Variants in FRMD4A observed in about 807,000 individuals in gnomAD.
FRMD4A encodes FERM domain containing 4A.
A neutral mutation model predicts 129.1 loss-of-function variants in FRMD4A; 29 were observed. The ratio of observed to expected loss-of-function variants is 0.22; its 90% confidence interval spans 0.17 to 0.31. FRMD4A has a LOEUF of 0.31. Ranked by LOEUF, FRMD4A falls within the 10% of genes least tolerant of loss-of-function variation. FRMD4A has a pLI of 1.00. For synonymous variants in FRMD4A, 634 were observed against 571.6 expected (o/e 1.11, Z -1.56); for missense variants, 1,272 against 1,375.8 (o/e 0.92, Z 1.19).
intron 2 of FRMD4A, among the ~76,000 whole-genome samples, chr10:13,985,167 AT>A (rs1162356486): frequency 5.9e-5 from 9 of 152,206 alleles, no homozygotes; most frequent in Non-Finnish European, 7.3e-5. Flanking sequence ...TTGCCTTCGC[AT>A]TCCGGGCTGG....
chr10:14,264,735 AT>A (rs1564426657), intron 2 of FRMD4A, among the ~76,000 whole-genome samples: 1 of 152,190 alleles, frequency 6.6e-6, no homozygotes, highest in African/African-American at 2.4e-5. Context: ...GAAAGAACTA[AT>A]TTTTTAACAC....
chr10:13,678,180 C>T (rs1305001205), intron 15 of FRMD4A, among the ~76,000 whole-genome samples: 5 of 152,122 alleles, frequency 3.3e-5, no homozygotes, highest in African/African-American at 1.2e-4. Flanking sequence ...GATACCAAGC[C>T]CACAGAAAAC....
At chr10:13,999,478 C>G (rs1255860507) in intron 2 of FRMD4A, among the ~76,000 whole-genome samples, 2 of 152,218 alleles carry the variant, frequency 1.3e-5, no homozygotes, top group Non-Finnish European at 2.9e-5. Flanking sequence ...GATCAATATA[C>G]TTCTAACCCT....
intron 2 of FRMD4A, among the ~76,000 whole-genome samples, chr10:14,295,275 G>A (rs995150617): frequency 1.3e-5 from 2 of 152,172 alleles, no homozygotes; most frequent in Non-Finnish European, 2.9e-5. Flanking sequence ...GTTTTACTGG[G>A]AGGATTTACT....
intron 2 of FRMD4A, among the ~76,000 whole-genome samples, chr10:13,935,368 G>A (rs1478390402): frequency 1.3e-5 from 2 of 148,608 alleles, no homozygotes; most frequent in Non-Finnish European, 3.0e-5. Context: ...AATCTGGGAG[G>A]AGGAGGTTGC....
At chr10:14,168,249 C>T (rs955170124) in intron 2 of FRMD4A, among the ~76,000 whole-genome samples, 1 of 152,188 alleles carries the variant, frequency 6.6e-6, no homozygotes, top group Admixed American at 6.5e-5. Context: ...GGTTAATTCA[C>T]AGCTTGCTCA....
intron 2 of FRMD4A, among the ~76,000 whole-genome samples, chr10:14,054,386 C>T (rs1244516390): frequency 6.6e-6 from 1 of 152,164 alleles, no homozygotes. Flanking sequence ...TGCTTTTTCT[C>T]CCCTGCATGA....
chr10:14,054,918 T>C (rs779157110), intron 2 of FRMD4A, among the ~76,000 whole-genome samples: 1 of 152,214 alleles, frequency 6.6e-6, no homozygotes, highest in Non-Finnish European at 1.5e-5. Flanking sequence ...CCTTCCTCCA[T>C]GATTGTGAGG....
chr10:14,067,106 A>T (rs1835095816), intron 2 of FRMD4A, among the ~76,000 whole-genome samples: 1 of 152,046 alleles, frequency 6.6e-6, no homozygotes, highest in South Asian at 2.1e-4. Flanking sequence ...TCATGAGGTC[A>T]GGAATTCGAG....
rs150209717 is a variant in FRMD4A, at chr10:13,748,228, C to T, written c.465-409G>A. Among the ~76,000 whole-genome samples, 229 of 152,252 alleles carry T rather than the reference C, an allele frequency of 1.5e-3. 1 individual carries two copies. Among genetic ancestry groups the T allele is most frequent in the African/African-American group, 4.8e-3 (201 of 41,558 alleles). On this transcript the variant is annotated intron_variant, in intron 8 of 24. Transcript: ENST00000357447. ...CCCCGCCGTTAGGCTCACAGAGCTC[C>T]GAGAATGGGCAATGGCGCCACTGTC...
chr10:14,278,629 G>A (rs1372716334), intron 2 of FRMD4A, among the ~76,000 whole-genome samples: 2 of 152,188 alleles, frequency 1.3e-5, no homozygotes, highest in Admixed American at 6.5e-5. Context: ...AGCGGCACGT[G>A]TTAGGTGGTT....
At chr10:13,833,878 A>G (rs2093829680) in intron 3 of FRMD4A, among the ~76,000 whole-genome samples, 1 of 152,154 alleles carries the variant, frequency 6.6e-6, no homozygotes, top group South Asian at 2.1e-4. Context: ...ACCCAGAGGC[A>G]GGGTCTGGGC....
At chr10:13,700,006 A>T (rs2086645042) in intron 14 of FRMD4A, among the ~76,000 whole-genome samples, 1 of 152,212 alleles carries the variant, frequency 6.6e-6, no homozygotes, top group African/African-American at 2.4e-5. Flanking sequence ...GTAGAGGACA[A>T]GATATTTTAC....
At chr10:13,890,588 T>G (rs1287775120) in intron 2 of FRMD4A, 16 of 985,174 alleles carry the variant, frequency 1.6e-5, no homozygotes, top group Non-Finnish European at 1.9e-5. Context: ...GACTTAGAAA[T>G]GTGCCTGTCT....
intron 2 of FRMD4A, among the ~76,000 whole-genome samples, chr10:13,885,390 G>A (rs948612290): frequency 1.3e-5 from 2 of 152,158 alleles, no homozygotes; most frequent in Non-Finnish European, 2.9e-5. Context: ...ACCAAACCCA[G>A]GGCAAGATGG....
intron 16 of FRMD4A, among the ~76,000 whole-genome samples, chr10:13,672,647 G>A (rs902171492): frequency 6.6e-6 from 1 of 152,166 alleles, no homozygotes; most frequent in Non-Finnish European, 1.5e-5. Flanking sequence ...CGCTGAAGAC[G>A]TAATTTAACA....
At chr10:13,983,357 A>T (rs553029202) in intron 2 of FRMD4A, among the ~76,000 whole-genome samples, 7 of 152,256 alleles carry the variant, frequency 4.6e-5, no homozygotes, top group Admixed American at 4.6e-4. Context: ...GAAATGACCG[A>T]TGCAAAGAAG....
chr10:14,153,017 C>T (rs1266006613), intron 2 of FRMD4A, among the ~76,000 whole-genome samples: 2 of 152,174 alleles, frequency 1.3e-5, no homozygotes, highest in African/African-American at 2.4e-5. Flanking sequence ...CCCCAGGCCT[C>T]GGCAGAGACT....
intron 2 of FRMD4A, among the ~76,000 whole-genome samples, chr10:14,291,805 T>C (rs889211250): frequency 6.6e-6 from 1 of 151,742 alleles, no homozygotes. Context: ...GATAAAAAAC[T>C]ATATACATAT....
Sources: gnomAD v4.1 joint callset for allele counts (sites outside exome capture counted in the v4.1 genomes callset) on GRCh38, gnomAD v4.1.1 for gene constraint, MANE v1.5 for transcripts, NCBI Gene and HGNC (gene_info 2026-07-23, HGNC 2026-07-21) for gene names.